CERT1: variants seen among roughly 807,000 people sequenced by gnomAD.
CERT1 encodes ceramide transfer protein.
CERT1 carries 31 observed loss-of-function variants against 87.9 expected under a neutral mutation model. That is an observed-to-expected ratio of 0.35 (90% CI 0.27 to 0.48). The LOEUF is 0.48. CERT1 is among the 20% of genes least tolerant of loss of function. The pLI, the probability that CERT1 is intolerant of heterozygous loss-of-function variation, is 0.99. For synonymous variants in CERT1, 289 were observed against 250.9 expected (o/e 1.15, Z -1.44); for missense variants, 487 against 758.0 (o/e 0.64, Z 4.20).
intron 3 of CERT1, among the ~76,000 whole-genome samples, chr5:75,433,948 G>T (rs556396073): frequency 6.6e-6 from 1 of 152,268 alleles, no homozygotes; most frequent in Non-Finnish European, 1.5e-5. Context: ...AAGATAGTCT[G>T]ACTTCCTCTT....
rs185739017 is a variant in CERT1, at chr5:75,447,263, A to T, written c.348+11802T>A. Among the ~76,000 whole-genome samples, 38 of 152,200 alleles carry T rather than the reference A, an allele frequency of 2.5e-4. No homozygotes were observed. In the East Asian group the frequency reaches 5.2e-3, roughly 21 times the overall value. On this transcript the variant is annotated intron_variant, in intron 3 of 16. Transcript: ENST00000643780. ...ACAGTTATATCAGACATATCTGGCT[A>T]GGGTAATTGTTGTCTAGGTGGGGAG...
chr5:75,374,514 G>T (rs150118958), downstream of CERT1: 1,042 of 719,618 alleles, frequency 1.4e-3, 5 homozygotes, highest in East Asian at 0.018. Context: ...CCACAGCCAC[G>T]TGCAGCCTGT....
intron 16 of CERT1, 103 bp from the exon 17 acceptor site, chr5:75,379,576 A>G (rs1761473047): frequency 9.6e-7 from 1 of 1,041,508 alleles, no homozygotes; most frequent in Non-Finnish European, 1.4e-6. Flanking sequence ...CTCACATTGG[A>G]CCAATTAGCA....
At chr5:75,370,520 T>C (rs1432031164) in intron 17 of CERT1, 1 of 152,240 alleles carries the variant, frequency 6.6e-6, no homozygotes, top group East Asian at 1.9e-4. Context: ...TTAAAACTTC[T>C]GGATGTGATC....
Position 75,466,688 on chromosome 5 carries a change from G to GT in CERT1, c.232-7508_232-7507insA, listed in dbSNP as rs1454046097. 1.5e-4 allele frequency among the ~76,000 whole-genome samples: 23 copies of GT among 152,282 alleles called. 1 individual carries two copies. The highest frequency in any genetic ancestry group is 6.8e-3 in the Middle Eastern group (2 of 294). ...CATTCCAGGAGGGTCCTAAGGTAAT[G>GT]GTACAAACACCAGCAGGCAGCAACT... On this transcript the variant is annotated intron_variant, in intron 2 of 16. Coordinates refer to ENST00000643780, the MANE Select transcript of CERT1 (RefSeq NM_001379029.1).
downstream of CERT1, chr5:75,376,341 A>C (rs796973868): frequency 1.3e-5 from 2 of 152,218 alleles, no homozygotes; most frequent in African/African-American, 4.8e-5. Flanking sequence ...GGAAGTCATC[A>C]TAAAGCATCA....
chr5:75,498,626 A>C (rs1267890331), intron 2 of CERT1, among the ~76,000 whole-genome samples: 1 of 152,274 alleles, frequency 6.6e-6, no homozygotes, highest in South Asian at 2.1e-4. Flanking sequence ...AAAGAAGTCA[A>C]GAACTGAGGT....
chr5:75,410,991 A>G lies in CERT1; in HGVS notation c.930+20T>C. Reference sequence around the variant, plus strand: ...GACATGATCTATGTGTTTCTCTAAGATCAAAATATAAATTCATACTTCATA... The same window carrying G: ...GACATGATCTATGTGTTTCTCTAAGGTCAAAATATAAATTCATACTTCATA... On this transcript the variant is annotated intron_variant, in intron 8 of 16. Coordinates refer to ENST00000643780, the MANE Select transcript of CERT1 (RefSeq NM_001379029.1). 7.4e-7 allele frequency: 1 copy of G among 1,349,388 alleles called. No individual in the cohort carries two copies. The highest frequency in any genetic ancestry group is 1.0e-6 in the Non-Finnish European group (1 of 960,742). The allele number at this position is 1,349,388 out of a possible 1,614,324, so 83.6% of individuals were successfully genotyped here.
chr5:75,403,151 C>G (rs1375342059), intron 8 of CERT1, 93 bp from the exon 9 acceptor site: 2 of 805,138 alleles, frequency 2.5e-6, no homozygotes, highest in Admixed American at 4.2e-5. Context: ...GAAAATTGAC[C>G]TAATAAACAT....
At chr5:75,447,445 AATTTATTT>A (rs376050463) in intron 3 of CERT1, among the ~76,000 whole-genome samples, 24 of 149,016 alleles carry the variant, frequency 1.6e-4, no homozygotes, top group African/African-American at 3.2e-4. Context: ...TTTTAAAAAA[AATTTATTT>A]ATTTATTTAT....
rs78572058 is a variant in CERT1, at chr5:75,488,514, T to C, written c.231+17468A>G. 2.1e-3 allele frequency among the ~76,000 whole-genome samples: 316 copies of C among 152,280 alleles called. 1 individual carries two copies. The East Asian group carries it at 0.027, about 13-fold the overall frequency. The stretch of plus-strand genomic sequence containing the variant: ...ATTTGCAAATATACTTCATATAGTA[T>C]TGCTAAACTGTAAATTTTAAGTTTT... On this transcript the variant is annotated intron_variant, in intron 2 of 16. Transcript: ENST00000643780.
chr5:75,465,636 C>A (rs1561282665), intron 2 of CERT1, among the ~76,000 whole-genome samples: 1 of 152,218 alleles, frequency 6.6e-6, no homozygotes, highest in Non-Finnish European at 1.5e-5. Context: ...GACTAGGCAA[C>A]AAAAACCCCT....
intron 5 of CERT1, among the ~76,000 whole-genome samples, chr5:75,420,169 G>A (rs1488146402): frequency 6.6e-6 from 1 of 151,672 alleles, no homozygotes; most frequent in Non-Finnish European, 1.5e-5. Flanking sequence ...AGTAGAGAAG[G>A]GGTTTCACTA....
chr5:75,482,461 G>A (rs868561159), intron 2 of CERT1, among the ~76,000 whole-genome samples: 1 of 152,180 alleles, frequency 6.6e-6, no homozygotes, highest in African/African-American at 2.4e-5. Context: ...CACCCTAAAG[G>A]GAAGGACATA....
At chr5:75,409,576 G>C (rs1450993812) in intron 8 of CERT1, among the ~76,000 whole-genome samples, 1 of 152,090 alleles carries the variant, frequency 6.6e-6, no homozygotes, top group Non-Finnish European at 1.5e-5. Flanking sequence ...GCCCAGGCTG[G>C]AGCGCAGTGG....
chr5:75,416,369 T>C (rs111931281), intron 7 of CERT1, among the ~76,000 whole-genome samples: 1 of 152,196 alleles, frequency 6.6e-6, no homozygotes, highest in African/African-American at 2.4e-5. Context: ...AGAGTCATAC[T>C]ATAATATTAT....
chr5:75,400,217 T>A lies in CERT1; in HGVS notation c.1098A>T (p.Arg366Ser). 1.9e-6 allele frequency: 3 copies of A among 1,610,050 alleles called. No individual in the cohort carries two copies. The highest frequency in any genetic ancestry group is 1.7e-6 in the Non-Finnish European group (2 of 1,176,394). The change falls in exon 10 of 17, where the codon AGA (arginine) becomes AGT (serine). Residue 366 changes from arginine to serine, a missense_variant. Arg to Ser is a moderately radical substitution (Grantham distance 110). Coordinates refer to ENST00000643780, the MANE Select transcript of CERT1 (RefSeq NM_001379029.1). Reference sequence around the variant, plus strand: ...GACATTAGCTTACCTTTTGGACAAATCTATGTGTCCCCACAGAAGAAAAGG... The same window carrying A: ...GACATTAGCTTACCTTTTGGACAAAACTATGTGTCCCCACAGAAGAAAAGG... Reference protein sequence around the residue: ...GDAFSSVGTHRFVQKPYSRSS... With the variant: ...GDAFSSVGTHSFVQKPYSRSS...
intron 5 of CERT1, among the ~76,000 whole-genome samples, chr5:75,424,830 T>C (rs551463767): frequency 6.6e-5 from 10 of 152,248 alleles, no homozygotes; most frequent in African/African-American, 7.2e-5. Flanking sequence ...TTGAAAGTCT[T>C]TGCCTGGTGT....
chr5:75,441,686 T>C lies in CERT1; in HGVS notation c.349-15208A>G, dbSNP rs146891511. Among the ~76,000 whole-genome samples the C allele has an allele frequency of 2.4e-3, 369 of 152,336 alleles. 9 individuals carry two copies. The highest frequency in any genetic ancestry group is 0.022 in the Admixed American group (332 of 15,304). On this transcript the variant is annotated intron_variant, in intron 3 of 16. Transcript: ENST00000643780. ...GAATCATACAGTATTTATCTTTTGG[T>C]GACTGGCTTCACTTAGCATAGTGTC...
Sources: gnomAD v4.1 joint callset for allele counts (sites outside exome capture counted in the v4.1 genomes callset) on GRCh38, gnomAD v4.1.1 for gene constraint, MANE v1.5 for transcripts, NCBI Gene and HGNC (gene_info 2026-07-23, HGNC 2026-07-21) for gene names.